Variants in MSRA observed in about 807,000 individuals in gnomAD.
MSRA encodes the protein methionine sulfoxide reductase A, also known as mitochondrial peptide methionine sulfoxide reductase.
In MSRA, 54 loss-of-function variants were observed where a neutral mutation model predicts 31.3. The observed-to-expected ratio is 1.73, with a 90% CI of 1.39 to 2.17. The LOEUF (loss-of-function observed/expected upper bound fraction) is 2.17, where lower values mean the gene tolerates loss of function less well. Ranked by LOEUF, MSRA falls within the 30% of genes most tolerant of loss-of-function variation. The probability of loss-of-function intolerance (pLI) is 0.00; values close to 1 mark genes in which losing one functional copy is unlikely to be tolerated. For missense variants in MSRA, 507 were observed against 300.9 expected, an observed-to-expected ratio of 1.69 and a Z score of -5.07; for synonymous variants, 169 against 116.5, an observed-to-expected ratio of 1.45 and a Z score of -2.90.
chr8:10,324,276 G>C (rs1426419098), intron 5 of MSRA, among the ~76,000 whole-genome samples: 2 of 152,192 alleles, frequency 1.3e-5, no homozygotes, highest in African/African-American at 4.8e-5. Context: ...CATGTGGCTG[G>C]TGGCTACCAT....
chr8:10,412,151 A>G (rs1808195898), intron 5 of MSRA, among the ~76,000 whole-genome samples: 1 of 152,262 alleles, frequency 6.6e-6, no homozygotes. Flanking sequence ...ATGATAGTGA[A>G]TAGCCCCTAT....
At chr8:10,404,288 C>A (rs78153579) in intron 5 of MSRA, among the ~76,000 whole-genome samples, 1 of 152,098 alleles carries the variant, frequency 6.6e-6, no homozygotes, top group South Asian at 2.1e-4. Context: ...TCCAGAGAAG[C>A]GTCCCCCTGG....
intron 5 of MSRA, among the ~76,000 whole-genome samples, chr8:10,391,278 G>A (rs920011440): frequency 4.6e-5 from 7 of 152,118 alleles, no homozygotes; most frequent in Non-Finnish European, 8.8e-5. Context: ...CTGAAGACCC[G>A]GACTCAAGGT....
intron 4 of MSRA, among the ~76,000 whole-genome samples, chr8:10,314,782 G>A (rs574170082): frequency 6.6e-6 from 1 of 152,236 alleles, no homozygotes; most frequent in East Asian, 1.9e-4. Context: ...CATACAATGG[G>A]ATATTATGAA....
chr8:10,323,745 C>CTTGTGTGTGTGTGTGTGTGT (rs1554526752), intron 5 of MSRA, among the ~76,000 whole-genome samples: 1 of 142,622 alleles, frequency 7.0e-6, no homozygotes, highest in Non-Finnish European at 1.5e-5. Context: ...GAATTAAATA[C>CTTGTGTGTGTGTGTGTGTGT]GTGTGTGTGT....
At chr8:10,211,698 C>T (rs557647705) in intron 2 of MSRA, among the ~76,000 whole-genome samples, 3 of 152,118 alleles carry the variant, frequency 2.0e-5, no homozygotes, top group Admixed American at 6.5e-5. Context: ...GAAACATGGC[C>T]GAGGCTTCCT....
chr8:10,373,239 T>G (rs1403644997), intron 5 of MSRA, among the ~76,000 whole-genome samples: 1 of 152,220 alleles, frequency 6.6e-6, no homozygotes, highest in East Asian at 1.9e-4. Flanking sequence ...CCCATCCAGT[T>G]CATGAAATAG....
At chr8:10,231,902 C>CAAAAT (rs200033476) in intron 2 of MSRA, among the ~76,000 whole-genome samples, 1 of 150,554 alleles carries the variant, frequency 6.6e-6, no homozygotes, top group Admixed American at 6.6e-5. Context: ...GACTTTGTCT[C>CAAAAT]AAAATAAAAT....
intron 5 of MSRA, among the ~76,000 whole-genome samples, chr8:10,357,781 G>A (rs1483320541): frequency 1.3e-5 from 2 of 152,246 alleles, no homozygotes; most frequent in Non-Finnish European, 2.9e-5. Context: ...CATACAATGT[G>A]TAGTGCGTAT....
At chr8:10,419,638 C>G (rs1037069618) in intron 5 of MSRA, among the ~76,000 whole-genome samples, 3 of 152,192 alleles carry the variant, frequency 2.0e-5, no homozygotes, top group Non-Finnish European at 2.9e-5. Context: ...GCTTAAAACG[C>G]AAATGCTGCT....
chr8:10,408,526 C>G (rs1352421459), intron 5 of MSRA, among the ~76,000 whole-genome samples: 1 of 152,082 alleles, frequency 6.6e-6, no homozygotes, highest in Non-Finnish European at 1.5e-5. Context: ...GGCAACAGAG[C>G]AACACCGTAT....
Position 10,113,289 on chromosome 8 carries a change from C to CTTTTTTTTTTTTTTTTTTTTTTTTTTTT in MSRA, c.142+58633_142+58634insTTTTTTTTTTTTTTTTTTTTTTTTTTTT, listed in dbSNP as rs1467440154. On this transcript the variant is annotated intron_variant, in intron 1 of 5. Coordinates refer to ENST00000317173, the MANE Select transcript of MSRA (RefSeq NM_012331.5). ...AGGCATGGCTTTGGTGAAGACAGGT[C>CTTTTTTTTTTTTTTTTTTTTTTTTTTTT]TTCTTTTTTTTTTTTTTTTTTTTTT... 1.8e-4 allele frequency among the ~76,000 whole-genome samples: 9 copies of CTTTTTTTTTTTTTTTTTTTTTTTTTTTT among 50,896 alleles called. 4 individuals carry two copies. The highest frequency in any genetic ancestry group is 2.2e-4 in the African/African-American group (2 of 9,074). 33.4% of individuals were successfully genotyped at this position (50,896 alleles called of 152,430 possible).
intron 3 of MSRA, among the ~76,000 whole-genome samples, chr8:10,260,734 G>A (rs1350733053): frequency 6.6e-6 from 1 of 152,062 alleles, no homozygotes; most frequent in Non-Finnish European, 1.5e-5. Context: ...ATAAGGAAAG[G>A]AAGGAAATTA....
At chr8:10,370,587 G>A (rs1412760909) in intron 5 of MSRA, among the ~76,000 whole-genome samples, 1 of 152,196 alleles carries the variant, frequency 6.6e-6, no homozygotes, top group Non-Finnish European at 1.5e-5. Context: ...TGAGTACGGG[G>A]AGCAAAGTCC....
chr8:10,069,047 C>T (rs950245170), intron 1 of MSRA, among the ~76,000 whole-genome samples: 2 of 152,088 alleles, frequency 1.3e-5, no homozygotes, highest in Non-Finnish European at 2.9e-5. Flanking sequence ...TGTAAATGGT[C>T]TTGTTTGTGA....
intron 5 of MSRA, among the ~76,000 whole-genome samples, chr8:10,348,317 C>T (rs1455099262): frequency 1.3e-5 from 2 of 150,354 alleles, no homozygotes; most frequent in African/African-American, 4.9e-5. Context: ...AGCAGCATGG[C>T]CAAATGCCTA....
At chr8:10,149,404 G>A (rs916894423) in intron 1 of MSRA, among the ~76,000 whole-genome samples, 32 of 152,168 alleles carry the variant, frequency 2.1e-4, no homozygotes, top group Admixed American at 1.4e-3. Flanking sequence ...GGTTACAGGC[G>A]TGAGCCACCG....
In MSRA at chr8:10,165,347, AAAACAAAC is replaced by A. The variant is rs142564475; in HGVS notation, c.143-42462_143-42455del. On this transcript the variant is annotated intron_variant, in intron 1 of 5. Coordinates refer to ENST00000317173, the MANE Select transcript of MSRA (RefSeq NM_012331.5). ...TTAAGTGCTTCTATTCTTTTTTTAAAAAACAAACAAACAAACAAACAAACAAACAAAAA... is the reference window on the plus strand; with the variant it reads ...TTAAGTGCTTCTATTCTTTTTTTAAAAAACAAACAAACAAACAAACAAAAA... Among the ~76,000 whole-genome samples, 933 of 152,112 alleles carry A rather than the reference AAAACAAAC, an allele frequency of 6.1e-3. 7 individuals are homozygous for A. Among genetic ancestry groups the A allele is most frequent in the South Asian group, 0.017 (82 of 4,820 alleles).
intron 4 of MSRA, among the ~76,000 whole-genome samples, chr8:10,314,246 A>T (rs949237783): frequency 1.9e-4 from 29 of 152,204 alleles, no homozygotes; most frequent in African/African-American, 6.5e-4. Flanking sequence ...ACAAATTGCC[A>T]AGAACAGAGA....
Sources: gnomAD v4.1 joint callset for allele counts (sites outside exome capture counted in the v4.1 genomes callset) on GRCh38, gnomAD v4.1.1 for gene constraint, MANE v1.5 for transcripts, NCBI Gene and HGNC (gene_info 2026-07-23, HGNC 2026-07-21) for gene names.